Variants in NUDT19 observed in about 807,000 individuals in gnomAD.
NUDT19 encodes the protein nudix hydrolase 19.
Under a neutral mutation model 22.2 loss-of-function variants are expected in NUDT19, and 31 were observed. That is an observed-to-expected ratio of 1.40 (90% CI 1.05 to 1.89). The LOEUF is 1.89. NUDT19 is among the 40% of genes most tolerant of loss of function. The pLI, the probability that NUDT19 is intolerant of heterozygous loss-of-function variation, is 0.00. For missense variants in NUDT19, 752 were observed against 514.2 expected (o/e 1.46, Z -4.47); for synonymous variants, 325 against 230.8 (o/e 1.41, Z -3.70).
At position 32,692,156 on chromosome 19, in the gene NUDT19, G is replaced by C; in HGVS notation, c.196G>C (p.Val66Leu). Reference protein sequence around the residue: ...MPGAHVFSGGVLDAADRSADW... With the variant: ...MPGAHVFSGGLLDAADRSADW... The stretch of plus-strand genomic sequence containing the variant: ...GGGCGCGCACGTCTTCTCCGGCGGA[G>C]TGCTGGATGCGGCCGACCGCTCGGC... The change falls in exon 1 of 3, where the codon GTG becomes CTG. Residue 66 changes from valine (V) to leucine (L), a missense_variant. By Grantham distance (32) the Val-to-Leu change is conservative. Coordinates refer to ENST00000397061, the MANE Select transcript of NUDT19 (RefSeq NM_001105570.2). The C allele has an allele frequency of 6.6e-7, 1 of 1,518,802 alleles. No individual in the cohort carries two copies. The allele number at this position is 1,518,802 out of a possible 1,614,324, so 94.1% of individuals were successfully genotyped here.
chr19:32,703,648 C>CTTTTTTT (rs60766132), intron 1 of NUDT19, among the ~76,000 whole-genome samples: 6 of 68,398 alleles, frequency 8.8e-5, no homozygotes, highest in African/African-American at 2.2e-4. Context: ...TGTGCCCAGC[C>CTTTTTTT]TTTTTTTTTT....
chr19:32,692,228 G>A lies in NUDT19; in HGVS notation c.268G>A (p.Gly90Ser), dbSNP rs556441813. The change falls in exon 1 of 3, where the codon GGC (glycine) becomes AGC (serine). Residue 90 changes from glycine (G) to serine (S), a missense_variant. Coordinates refer to ENST00000397061, the MANE Select transcript of NUDT19 (RefSeq NM_001105570.2). The part of the protein sequence containing the change: ...FAPHHGPPRF[G>S]LGPAPFSRTA... ...GCCGCACCACGGGCCGCCGCGCTTCGGCCTGGGCCCGGCGCCATTCAGCCG... is the reference window on the plus strand; with the variant it reads ...GCCGCACCACGGGCCGCCGCGCTTCAGCCTGGGCCCGGCGCCATTCAGCCG... The A allele has an allele frequency of 3.7e-5, 58 of 1,585,380 alleles. No individual in the cohort carries two copies. The highest frequency in any genetic ancestry group is 3.2e-4 in the Admixed American group (19 of 59,128).
intron 1 of NUDT19, among the ~76,000 whole-genome samples, chr19:32,699,565 CTT>C (rs1424779282): frequency 6.6e-6 from 1 of 152,202 alleles, no homozygotes. Flanking sequence ...ACACCCGTGT[CTT>C]TAGTTCAGCA....
intron 1 of NUDT19, among the ~76,000 whole-genome samples, chr19:32,699,811 GT>G (rs1968312450): frequency 6.6e-6 from 1 of 152,174 alleles, no homozygotes; most frequent in Non-Finnish European, 1.5e-5. Context: ...GAGTGTTACA[GT>G]TCTTAAAGAT....
At chr19:32,699,758 T>TG (rs1599798627) in intron 1 of NUDT19, among the ~76,000 whole-genome samples, 1 of 152,240 alleles carries the variant, frequency 6.6e-6, no homozygotes, top group East Asian at 1.9e-4. Context: ...GGTGGGTTCT[T>TG]GGTTTCGCTG....
chr19:32,692,266 G>C lies in NUDT19; in HGVS notation c.306G>C (p.Pro102=), dbSNP rs769834875. 6.9e-6 allele frequency: 11 copies of C among 1,592,198 alleles called. No homozygotes were observed. The African/African-American group carries it at 1.1e-4, about 16-fold the overall frequency. Residue 102 remains proline, a synonymous_variant, in exon 1 of 3, where the codon CCG becomes CCC. Transcript: ENST00000397061. ...GPAPFSRTAF[P]SLPDTDDHKT... ...CGCCATTCAGCCGCACCGCTTTCCC[G>C]TCGCTGCCCGACACCGATGACCACA...
At chr19:32,701,199 G>GTTTTTTTTTT (rs3042685) in intron 1 of NUDT19, among the ~76,000 whole-genome samples, 2 of 101,032 alleles carry the variant, frequency 2.0e-5, no homozygotes, top group African/African-American at 4.0e-5. Context: ...CATCTTGCAG[G>GTTTTTTTTTT]TTTTTTTTTT....
At chr19:32,705,106 C>CAAAAAA (rs34871387) in intron 1 of NUDT19, among the ~76,000 whole-genome samples, 1 of 54,188 alleles carries the variant, frequency 1.8e-5, no homozygotes, top group African/African-American at 7.0e-5. Flanking sequence ...GACTTCATCT[C>CAAAAAA]AAAAAAAAAA....
chr19:32,711,872 A>G lies in NUDT19; in HGVS notation c.1043A>G (p.His348Arg). The change falls in exon 3 of 3, where the codon CAC becomes CGC. Residue 348 changes from histidine (H) to arginine (R), a missense_variant. Physicochemically the swap from His to Arg is conservative, Grantham distance 29. Transcript: ENST00000397061. Reference sequence around the variant, plus strand: ...CACCGGATAGTGACATACCATCGCCACCTTTATGATATCCACGTGACTGTT... The same window carrying G: ...CACCGGATAGTGACATACCATCGCCGCCTTTATGATATCCACGTGACTGTT... ...QFHRIVTYHR[H>R]LYDIHVTVQP... 10 of 1,613,828 alleles carry G rather than the reference A, an allele frequency of 6.2e-6. No individual in the cohort carries two copies. Among genetic ancestry groups the G allele is most frequent in the East Asian group, 4.5e-5 (2 of 44,872 alleles).
chr19:32,701,228 CAG>C (rs1177850627), intron 1 of NUDT19, among the ~76,000 whole-genome samples: 174 of 78,386 alleles, frequency 2.2e-3, no homozygotes, highest in African/African-American at 8.9e-3. Flanking sequence ...TTTTTTGAAA[CAG>C]AGTCTTGCTC....
Position 32,693,354 on chromosome 19 carries a change from G to A in NUDT19, c.714+680G>A, listed in dbSNP as rs140684339. On this transcript the variant is annotated intron_variant, in intron 1 of 2. Transcript: ENST00000397061. ...AAAGGTGGTGCGTCAGGAGTTGTTT[G>A]TTCCTCTTGGTGGGTTTGTGGTCTC... Among the ~76,000 whole-genome samples the A allele has an allele frequency of 5.1e-3, 773 of 152,260 alleles. 6 individuals are homozygous for A. Among genetic ancestry groups the A allele is most frequent in the African/African-American group, 0.018 (749 of 41,534 alleles).
At position 32,692,482 on chromosome 19, in the gene NUDT19, C is replaced by A. The variant is rs754156029; in HGVS notation, c.522C>A (p.Asp174Glu). Residue 174 changes from aspartate to glutamate, a missense_variant, in exon 1 of 3, where the codon GAC (aspartate) becomes GAA (glutamate). By Grantham distance (45) the Asp-to-Glu change is conservative. Coordinates refer to ENST00000397061, the MANE Select transcript of NUDT19 (RefSeq NM_001105570.2). ...CCTGGCGCGACCGCGTGCGCCAGGACCCGCGCCACTTCCTGCGGCTGTGCG... is the reference window on the plus strand; with the variant it reads ...CCTGGCGCGACCGCGTGCGCCAGGAACCGCGCCACTTCCTGCGGCTGTGCG... ...LASWRDRVRQ[D>E]PRHFLRLCAH... 7 of 1,553,054 alleles carry A rather than the reference C, an allele frequency of 4.5e-6. No homozygotes were observed. The South Asian group carries it at 7.0e-5, about 16-fold the overall frequency.
chr19:32,705,587 C>CT (rs11387568), intron 1 of NUDT19, among the ~76,000 whole-genome samples: 32,639 of 139,150 alleles, frequency 0.23, 4,046 homozygotes, highest in East Asian at 0.4. Flanking sequence ...TTTAGCTGCA[C>CT]TTTTTTTTTT....
At chr19:32,696,494 G>A (rs1968265165) in intron 1 of NUDT19, among the ~76,000 whole-genome samples, 1 of 152,122 alleles carries the variant, frequency 6.6e-6, no homozygotes, top group Admixed American at 6.6e-5. Flanking sequence ...TCGTCCTGTG[G>A]GAAGGCTTAA....
At chr19:32,705,041 A>G (rs2903759) in intron 1 of NUDT19, among the ~76,000 whole-genome samples, 26,725 of 148,846 alleles carry the variant, frequency 0.18, 2,496 homozygotes, top group African/African-American at 0.22. Context: ...TGGGAGGCAG[A>G]GATGCAGTGA....
At chr19:32,694,097 A>C (rs1240493851) in intron 1 of NUDT19, among the ~76,000 whole-genome samples, 2 of 152,186 alleles carry the variant, frequency 1.3e-5, no homozygotes, top group African/African-American at 4.8e-5. Context: ...CCTTGATTCT[A>C]GAGGAAACAA....
In NUDT19 at chr19:32,696,262, C is replaced by T. The variant is rs561186460; in HGVS notation, c.714+3588C>T. On this transcript the variant is annotated intron_variant, in intron 1 of 2. Transcript: ENST00000397061. ...CCTTTGGCACCTAGTTTGCCATTTA[C>T]ATCATGAGTAGTCCAGACAGTGAGA... Among the ~76,000 whole-genome samples, 4 of 152,354 alleles carry T rather than the reference C, an allele frequency of 2.6e-5. No homozygotes were observed. The South Asian group carries it at 8.3e-4, about 32-fold the overall frequency.
At chr19:32,707,714 C>T (rs1340862019) in intron 1 of NUDT19, among the ~76,000 whole-genome samples, 1 of 151,910 alleles carries the variant, frequency 6.6e-6, no homozygotes, top group Non-Finnish European at 1.5e-5. Flanking sequence ...CGCGGTGGCT[C>T]ACGCCTGTAA....
chr19:32,697,284 G>A (rs1360605173), intron 1 of NUDT19, among the ~76,000 whole-genome samples: 2 of 152,146 alleles, frequency 1.3e-5, no homozygotes, highest in African/African-American at 2.4e-5. Flanking sequence ...TCCAGAGTTT[G>A]TTCAGGGCCC....
Sources: gnomAD v4.1 joint callset for allele counts (sites outside exome capture counted in the v4.1 genomes callset) on GRCh38, gnomAD v4.1.1 for gene constraint, MANE v1.5 for transcripts, NCBI Gene and HGNC (gene_info 2026-07-23, HGNC 2026-07-21) for gene names.